PTCD3: variants seen among roughly 807,000 people sequenced by gnomAD.
The protein encoded by PTCD3 is small ribosomal subunit protein mS39.
Under a neutral mutation model 101.9 loss-of-function variants are expected in PTCD3, and 89 were observed. That is an observed-to-expected ratio of 0.87 (90% CI 0.74 to 1.04). The LOEUF (loss-of-function observed/expected upper bound fraction) is 1.04. Among genes scored for constraint, PTCD3 ranks in the 50% least tolerant of loss-of-function variants. PTCD3 has a pLI of 0.00. For missense variants in PTCD3, 870 were observed against 828.2 expected (o/e 1.05, Z -0.62); for synonymous variants, 296 against 278.5 (o/e 1.06, Z -0.63).
At chr2:86,111,385 G>A (rs548754110) in intron 4 of PTCD3, among the ~76,000 whole-genome samples, 5 of 152,106 alleles carry the variant, frequency 3.3e-5, no homozygotes, top group African/African-American at 4.8e-5. Flanking sequence ...TCAGGAGATC[G>A]AGACCATCCT....
Position 86,118,921 on chromosome 2 carries a change from T to C in PTCD3, c.415T>C (p.Cys139Arg), listed in dbSNP as rs773073658. Residue 139 changes from cysteine (C) to arginine (R), a missense_variant and splice_region_variant, in exon 7 of 24, where the codon TGT becomes CGT. By Grantham distance (180) the Cys-to-Arg change is radical. Coordinates refer to ENST00000254630, the MANE Select transcript of PTCD3 (RefSeq NM_017952.6). ...QKDIAEPHIP[C>R]LMPEYFEPQI... is the part of the protein sequence containing the mutation. ...AACTTTAGTCATCTTGTTTTCCTAG[T>C]GTTTAATGCCTGAGTACTTTGAACC... 5.0e-6 allele frequency: 8 copies of C among 1,610,586 alleles called. No homozygotes were observed. Among genetic ancestry groups the C allele is most frequent in the East Asian group, 2.2e-5 (1 of 44,866 alleles).
chr2:86,134,094 C>T (rs1023414154), intron 19 of PTCD3, among the ~76,000 whole-genome samples, 198 bp from the exon 20 acceptor site: 7 of 152,214 alleles, frequency 4.6e-5, no homozygotes, highest in Admixed American at 4.6e-4. Context: ...GTGATGAACA[C>T]GTCACTGGAG....
At chr2:86,107,439 ATCTG>A (rs1178349625) in intron 1 of PTCD3, among the ~76,000 whole-genome samples, 1 of 152,198 alleles carries the variant, frequency 6.6e-6, no homozygotes, top group Admixed American at 6.5e-5. Flanking sequence ...TGGAGGAAGT[ATCTG>A]TCTGTGCAAT....
chr2:86,136,042 C>T (rs777025891), intron 21 of PTCD3: 1 of 518,860 alleles, frequency 1.9e-6, no homozygotes, highest in South Asian at 1.4e-5. Flanking sequence ...GACTGAACCC[C>T]TGCTGTACTT....
intron 17 of PTCD3, 137 bp downstream of exon 17, chr2:86,132,561 T>C: frequency 5.3e-6 from 3 of 560,872 alleles, no homozygotes; most frequent in South Asian, 5.8e-5. Flanking sequence ...AATTGAGCAC[T>C]TAGGAATTAA....
intron 14 of PTCD3, 130 bp downstream of exon 14, chr2:86,128,121 T>A (rs1264097698): frequency 2.5e-6 from 2 of 810,266 alleles, no homozygotes; most frequent in Non-Finnish European, 4.0e-6. Flanking sequence ...AATTAACCTG[T>A]ACAGCCTGAG....
chr2:86,134,394 C>G lies in PTCD3; in HGVS notation c.1629+17C>G. 1 of 1,581,416 alleles carries G rather than the reference C, an allele frequency of 6.3e-7. No individual in the cohort carries two copies. Among genetic ancestry groups the G allele is most frequent in the Admixed American group, 1.7e-5 (1 of 59,856 alleles). On this transcript the variant is annotated intron_variant, in intron 20 of 23. Transcript: ENST00000254630. ...CCACCAGAGGTAGGCCTGAAACTCA[C>G]CAGCCAGTATATCCTCCCATACTGA...
intron 15 of PTCD3, 104 bp downstream of exon 15, chr2:86,130,841 T>TC (rs891693988): frequency 1.4e-5 from 21 of 1,469,744 alleles, no homozygotes; most frequent in Non-Finnish European, 1.3e-5. Context: ...AGAAGTATTT[T>TC]TTTTTTTTTT....
chr2:86,126,832 T>A (rs1465685137), intron 12 of PTCD3, among the ~76,000 whole-genome samples: 2 of 148,292 alleles, frequency 1.3e-5, no homozygotes, highest in Non-Finnish European at 3.0e-5. Flanking sequence ...AGCGAAACTT[T>A]GTCTCAAAAA....
intron 1 of PTCD3, among the ~76,000 whole-genome samples, chr2:86,107,988 T>C (rs1673995033): frequency 6.6e-6 from 1 of 152,182 alleles, no homozygotes; most frequent in Admixed American, 6.5e-5. Flanking sequence ...TAGCCGGGCA[T>C]GGTGGCATAT....
intron 11 of PTCD3, 119 bp downstream of exon 11, chr2:86,125,634 A>T: frequency 8.5e-7 from 1 of 1,173,782 alleles, no homozygotes; most frequent in Non-Finnish European, 1.2e-6. Flanking sequence ...TGAGGCGTAG[A>T]TGATTGAAGC....
At chr2:86,134,117 A>T (rs973655058) in intron 19 of PTCD3, among the ~76,000 whole-genome samples, 175 bp from the exon 20 acceptor site, 1 of 152,214 alleles carries the variant, frequency 6.6e-6, no homozygotes, top group African/African-American at 2.4e-5. Flanking sequence ...AGGCCCAGGC[A>T]TTGGCTTTTA....
In PTCD3 at chr2:86,134,898, C is replaced by T. The variant is rs1210571619; in HGVS notation, c.1689C>T (p.Pro563=). Residue 563 remains proline, a synonymous_variant, in exon 21 of 24, where the codon CCC becomes CCT. Coordinates refer to ENST00000254630, the MANE Select transcript of PTCD3 (RefSeq NM_017952.6). ...TCAAATCTGCGTATGAAAGCCAACC[C>T]ATCAGACAGACTGCTCAGGATTGGC... The part of the protein sequence containing the change: ...ADIKSAYESQ[P]IRQTAQDWPA... 1 of 1,614,092 alleles carries T rather than the reference C, an allele frequency of 6.2e-7. No individual in the cohort carries two copies. The highest frequency in any genetic ancestry group is 8.5e-7 in the Non-Finnish European group (1 of 1,179,996).
At chr2:86,115,059 G>A (rs540873799) in intron 4 of PTCD3, among the ~76,000 whole-genome samples, 179 of 152,286 alleles carry the variant, frequency 1.2e-3, no homozygotes, top group Non-Finnish European at 2.2e-3. Context: ...TCCCAGAAGG[G>A]AAGCAGGTGT....
In PTCD3 at chr2:86,138,557, G is replaced by T. The variant is rs1674634967; in HGVS notation, c.*998G>T. ...GGGATACTCTAGTCTACTTATACTT[G>T]TGTTCCCATCTGTCTGCCATCCTCT... On this transcript the variant is annotated 3_prime_UTR_variant, in exon 24 of 24. Transcript: ENST00000254630. The T allele has an allele frequency of 6.6e-6, 1 of 151,870 alleles. No homozygotes were observed. The highest frequency in any genetic ancestry group is 6.6e-5 in the Admixed American group (1 of 15,236). 9.4% of individuals were successfully genotyped at this position (151,870 alleles called of 1,614,324 possible).
chr2:86,125,720 G>T, intron 11 of PTCD3, 75 bp from the exon 12 acceptor site: 2 of 1,182,720 alleles, frequency 1.7e-6, no homozygotes, highest in South Asian at 2.7e-5. Flanking sequence ...ACATAGGAAT[G>T]ACTGCTTTGC....
intron 4 of PTCD3, among the ~76,000 whole-genome samples, chr2:86,114,448 C>T (rs1248747716): frequency 6.6e-6 from 1 of 152,128 alleles, no homozygotes; most frequent in Non-Finnish European, 1.5e-5. Flanking sequence ...CACCCCCACG[C>T]CCGGCTAATT....
rs867186044 is a variant in PTCD3, at chr2:86,134,885, A to T, written c.1676A>T (p.Tyr559Phe). The part of the protein sequence containing the change: ...ADCAADIKSA[Y>F]ESQPIRQTAQ... Reference sequence around the variant, plus strand: ...TGTGCTGCTGATATCAAATCTGCGTATGAAAGCCAACCCATCAGACAGACT... The same window carrying T: ...TGTGCTGCTGATATCAAATCTGCGTTTGAAAGCCAACCCATCAGACAGACT... Residue 559 changes from tyrosine to phenylalanine, a missense_variant, in exon 21 of 24, where the codon TAT becomes TTT. Physicochemically the swap from Tyr to Phe is conservative, Grantham distance 22. Coordinates refer to ENST00000254630, the MANE Select transcript of PTCD3 (RefSeq NM_017952.6). 6.2e-7 allele frequency: 1 copy of T among 1,614,166 alleles called. No individual in the cohort carries two copies. The highest frequency in any genetic ancestry group is 1.3e-5 in the African/African-American group (1 of 75,052).
intron 3 of PTCD3, among the ~76,000 whole-genome samples, chr2:86,110,370 T>C (rs571301076): frequency 2.6e-5 from 4 of 152,362 alleles, no homozygotes; most frequent in Non-Finnish European, 5.9e-5. Flanking sequence ...AGATGACTTA[T>C]AGTCTTAAGA....
Sources: gnomAD v4.1 joint callset for allele counts (sites outside exome capture counted in the v4.1 genomes callset) on GRCh38, gnomAD v4.1.1 for gene constraint, MANE v1.5 for transcripts, NCBI Gene and HGNC (gene_info 2026-07-23, HGNC 2026-07-21) for gene names.